The following HSPA12A variants were observed in gnomAD, a reference collection of about 807,000 sequenced individuals.
The protein encoded by HSPA12A is heat shock protein family A (Hsp70) member 12A.
Under a neutral mutation model 69.2 loss-of-function variants are expected in HSPA12A, and 28 were observed. The ratio of observed to expected loss-of-function variants is 0.40; its 90% CI spans 0.30 to 0.55. The LOEUF (loss-of-function observed/expected upper bound fraction) is 0.55. Among genes scored for constraint, HSPA12A ranks in the 20% least tolerant of loss-of-function variants. The probability of loss-of-function intolerance (pLI) is 0.38; values close to 1 mark genes in which losing one functional copy is unlikely to be tolerated. For synonymous variants in HSPA12A, 345 were observed against 370.5 expected (o/e 0.93, Z 0.79); for missense variants, 686 against 900.7 (o/e 0.76, Z 3.05).
At chr10:116,774,597 C>T (rs1844291155) in intron 2 of HSPA12A, among the ~76,000 whole-genome samples, 1 of 152,210 alleles carries the variant, frequency 6.6e-6, no homozygotes, top group Non-Finnish European at 1.5e-5. Flanking sequence ...ACAGACGTGG[C>T]TCTGCTAGAG....
intron 2 of HSPA12A, among the ~76,000 whole-genome samples, chr10:116,768,352 G>A (rs964194738): frequency 4.5e-4 from 68 of 152,282 alleles, no homozygotes; most frequent in African/African-American, 1.6e-3. Flanking sequence ...CTGTGGGGAG[G>A]GGGAATAGGA....
At chr10:116,782,203 CA>C (rs781854284) in intron 2 of HSPA12A, among the ~76,000 whole-genome samples, 4 of 152,218 alleles carry the variant, frequency 2.6e-5, no homozygotes, top group Non-Finnish European at 5.9e-5. Context: ...ACTAGATGGA[CA>C]AAACTCAGAA....
rs561285462 is a variant in HSPA12A at position 116,824,375 on chromosome 10, C to T, written c.91+10560G>A. On this transcript the variant is annotated intron_variant, in intron 2 of 12. Transcript: ENST00000635765. ...CCTCAAAAGGTTAAATATAGAGTTACCATATGCCCTAGCAATTCCATTCCT... is the reference window on the plus strand; with the variant it reads ...CCTCAAAAGGTTAAATATAGAGTTATCATATGCCCTAGCAATTCCATTCCT... Among the ~76,000 whole-genome samples, 5 of 152,308 alleles carry T rather than the reference C, an allele frequency of 3.3e-5. No homozygotes were observed. The East Asian group carries it at 7.7e-4, about 24-fold the overall frequency.
At chr10:116,780,853 C>T (rs1224640659) in intron 2 of HSPA12A, among the ~76,000 whole-genome samples, 1 of 152,214 alleles carries the variant, frequency 6.6e-6, no homozygotes, top group Non-Finnish European at 1.5e-5. Flanking sequence ...GCATTGCTAA[C>T]ATTGTTTGGT....
At chr10:116,755,520 G>A (rs782727736) in intron 2 of HSPA12A, among the ~76,000 whole-genome samples, 4 of 146,754 alleles carry the variant, frequency 2.7e-5, no homozygotes, top group Non-Finnish European at 4.4e-5. Flanking sequence ...GCTGAAGCAC[G>A]AGAATCATTT....
At chr10:116,696,043 T>C (rs1425764710) in intron 5 of HSPA12A, among the ~76,000 whole-genome samples, 2 of 128,046 alleles carry the variant, frequency 1.6e-5, no homozygotes, top group East Asian at 4.7e-4. Flanking sequence ...GTTTCAGGAG[T>C]GCGTGGGCTC....
chr10:116,720,860 G>A (rs1216414287), intron 1 of HSPA12A, among the ~76,000 whole-genome samples: 1 of 152,210 alleles, frequency 6.6e-6, no homozygotes, highest in Non-Finnish European at 1.5e-5. Flanking sequence ...GCTCCAAGGA[G>A]CTCTGAGAGA....
chr10:116,829,603 C>T (rs1845575693), intron 2 of HSPA12A: 1 of 152,330 alleles, frequency 6.6e-6, no homozygotes, highest in Non-Finnish European at 1.5e-5. Context: ...CACCAAGAGC[C>T]ACTGAGTTAC....
chr10:116,674,712 A>G lies in HSPA12A; in HGVS notation c.*69T>C. On this transcript the variant is annotated 3_prime_UTR_variant, in exon 12 of 12. Coordinates refer to ENST00000369209, the MANE Select transcript of HSPA12A (RefSeq NM_025015.3). ...GGTGAGGGTCAAGGTTAGGGAAAGA[A>G]CAGTCAAGGTTGAGGTCAGCAGATG... 3 of 1,479,520 alleles carry G rather than the reference A, an allele frequency of 2.0e-6. No individual in the cohort carries two copies. The Admixed American group carries it at 5.3e-5, about 26-fold the overall frequency. The allele number at this position is 1,479,520 out of a possible 1,614,324, so 91.6% of individuals were successfully genotyped here. A position where few individuals can be genotyped will look rare whatever the true frequency, so the allele number is the denominator to read the frequency against.
intron 1 of HSPA12A, among the ~76,000 whole-genome samples, chr10:116,735,041 A>G (rs1851275327): frequency 6.6e-6 from 1 of 152,232 alleles, no homozygotes; most frequent in Non-Finnish European, 1.5e-5. Context: ...AAGTGCAAAC[A>G]TACTGGGAAA....
intron 2 of HSPA12A, chr10:116,750,568 C>T (rs1264829840): frequency 4.0e-5 from 14 of 351,148 alleles, no homozygotes; most frequent in Non-Finnish European, 6.5e-5. Flanking sequence ...AAAAACAGTC[C>T]TCTCAATACA....
At chr10:116,684,524 C>A (rs1352887313) in intron 6 of HSPA12A, among the ~76,000 whole-genome samples, 1 of 151,942 alleles carries the variant, frequency 6.6e-6, no homozygotes, top group African/African-American at 2.4e-5. Flanking sequence ...GGGTAACCGA[C>A]CTGTTATCTC....
chr10:116,820,181 A>G (rs1327103487), intron 2 of HSPA12A, among the ~76,000 whole-genome samples: 1 of 152,244 alleles, frequency 6.6e-6, no homozygotes, highest in African/African-American at 2.4e-5. Flanking sequence ...CATTAGAATT[A>G]GACAAATATG....
chr10:116,811,111 G>A (rs1845171104), intron 2 of HSPA12A, among the ~76,000 whole-genome samples: 1 of 152,158 alleles, frequency 6.6e-6, no homozygotes, highest in Non-Finnish European at 1.5e-5. Flanking sequence ...ATTTCAGCTG[G>A]AACTAATGGG....
intron 1 of HSPA12A, among the ~76,000 whole-genome samples, chr10:116,729,863 G>T (rs1370448601): frequency 6.6e-6 from 1 of 152,136 alleles, no homozygotes; most frequent in Non-Finnish European, 1.5e-5. Context: ...AAATCTCCCA[G>T]CCAGCTCCAC....
rs1036913459 is a variant in HSPA12A, at chr10:116,843,846, G to A, written c.3+5720C>T. Among the ~76,000 whole-genome samples the A allele has an allele frequency of 5.3e-5, 8 of 152,182 alleles. 1 individual carries two copies. In the South Asian group the frequency reaches 1.7e-3, roughly 32 times the overall value. ...CCAATCACCAGTATCATTCAATACTGTAGCAATGATTAAAATAAACAATAT... is the reference window on the plus strand; with the variant it reads ...CCAATCACCAGTATCATTCAATACTATAGCAATGATTAAAATAAACAATAT... On this transcript the variant is annotated intron_variant, in intron 1 of 12. Coordinates refer to the HSPA12A transcript ENST00000635765.
At chr10:116,752,706 C>A (rs922461428) in intron 2 of HSPA12A, among the ~76,000 whole-genome samples, 3 of 152,204 alleles carry the variant, frequency 2.0e-5, no homozygotes, top group Admixed American at 1.3e-4. Context: ...ATTATACTTG[C>A]TCCATCCCCG....
chr10:116,739,550 T>C (rs1851416418), intron 1 of HSPA12A, among the ~76,000 whole-genome samples: 1 of 152,040 alleles, frequency 6.6e-6, no homozygotes, highest in African/African-American at 2.4e-5. Flanking sequence ...TCTTCATGTC[T>C]AGCCCTGACT....
chr10:116,697,855 G>A (rs1327645372), intron 5 of HSPA12A, among the ~76,000 whole-genome samples: 10 of 133,686 alleles, frequency 7.5e-5, no homozygotes, highest in Non-Finnish European at 1.3e-4. Flanking sequence ...GCAGCCCTGC[G>A]CAGAAAAAGT....
Sources: allele counts gnomAD v4.1 joint callset (sites outside exome capture counted in the v4.1 genomes callset), GRCh38; gene constraint gnomAD v4.1.1; transcripts MANE v1.5; gene names NCBI Gene and HGNC (gene_info 2026-07-23, HGNC 2026-07-21).